Variants in RFX3 observed in about 807,000 individuals in gnomAD.
RFX3 encodes the protein transcription factor RFX3.
A neutral mutation model predicts 98.6 loss-of-function variants in RFX3; 14 were observed. The observed-to-expected ratio is 0.14, with a 90% CI of 0.09 to 0.22. The LOEUF (loss-of-function observed/expected upper bound fraction) is 0.22. RFX3 is among the 10% of genes least tolerant of loss of function. RFX3 has a pLI of 1.00. For missense variants in RFX3, 639 were observed against 926.9 expected, an observed-to-expected ratio of 0.69 and a Z score of 4.03; for synonymous variants, 383 against 328.4, an observed-to-expected ratio of 1.17 and a Z score of -1.80.
chr9:3,312,374 G>A (rs997641165), intron 4 of RFX3, among the ~76,000 whole-genome samples: 3 of 152,058 alleles, frequency 2.0e-5, no homozygotes, highest in African/African-American at 7.2e-5. Flanking sequence ...AACCTTCTTC[G>A]AAGGATCTCC....
At chr9:3,312,477 A>G (rs1256791371) in intron 4 of RFX3, among the ~76,000 whole-genome samples, 1 of 152,164 alleles carries the variant, frequency 6.6e-6, no homozygotes, top group African/African-American at 2.4e-5. Flanking sequence ...TAAAAGCTGT[A>G]TATTCAAACA....
intron 1 of RFX3, among the ~76,000 whole-genome samples, chr9:3,458,739 C>T (rs1847416256): frequency 6.6e-6 from 1 of 151,988 alleles, no homozygotes; most frequent in African/African-American, 2.4e-5. Flanking sequence ...TGTTCATTAC[C>T]CTTTTTCTAC....
intron 1 of RFX3, among the ~76,000 whole-genome samples, chr9:3,521,272 C>G (rs1360000243): frequency 1.3e-5 from 2 of 151,970 alleles, no homozygotes; most frequent in African/African-American, 2.4e-5. Flanking sequence ...AGGACTAATG[C>G]CAGACAGTGC....
At chr9:3,444,551 A>G (rs566893587) in intron 1 of RFX3, among the ~76,000 whole-genome samples, 4 of 152,306 alleles carry the variant, frequency 2.6e-5, no homozygotes, top group African/African-American at 9.6e-5. Flanking sequence ...TTATCAAATT[A>G]AAAGTTAACT....
chr9:3,358,418 A>G lies in RFX3; in HGVS notation c.118-11654T>C, dbSNP rs187769957. Among the ~76,000 whole-genome samples the G allele has an allele frequency of 1.4e-3, 210 of 152,282 alleles. 1 individual carries two copies. The highest frequency in any genetic ancestry group is 4.9e-3 in the African/African-American group (203 of 41,570). Reference sequence around the variant, plus strand: ...ATGAGATTCTATAATTAAAGTAGAAATGAAACTGGGAAAATGTCAAGAATC... The same window carrying G: ...ATGAGATTCTATAATTAAAGTAGAAGTGAAACTGGGAAAATGTCAAGAATC... On this transcript the variant is annotated intron_variant, in intron 2 of 16. Coordinates refer to ENST00000617270, the MANE Select transcript of RFX3 (RefSeq NM_001282116.2).
intron 1 of RFX3, among the ~76,000 whole-genome samples, chr9:3,504,237 T>C (rs1276915429): frequency 7.4e-6 from 1 of 134,512 alleles, no homozygotes. Context: ...ATACTATATA[T>C]TATATATATA....
chr9:3,334,847 C>T (rs1198169335), intron 3 of RFX3, among the ~76,000 whole-genome samples: 6 of 152,086 alleles, frequency 3.9e-5, no homozygotes, highest in Non-Finnish European at 8.8e-5. Context: ...GGGCCAGGCG[C>T]GGTGGTTCAT....
intron 1 of RFX3, among the ~76,000 whole-genome samples, chr9:3,430,515 AT>A (rs1170557303): frequency 2.6e-5 from 4 of 152,146 alleles, no homozygotes; most frequent in Admixed American, 6.5e-5. Flanking sequence ...ACTTGGTAAA[AT>A]TTTTTTAGAG....
intron 5 of RFX3, among the ~76,000 whole-genome samples, chr9:3,295,899 T>C (rs905323883): frequency 2.0e-5 from 3 of 152,016 alleles, no homozygotes; most frequent in Non-Finnish European, 4.4e-5. Context: ...GTAATTTTAG[T>C]CTGATAAAAG....
intron 15 of RFX3, among the ~76,000 whole-genome samples, chr9:3,238,116 G>A (rs530056719): frequency 2.6e-5 from 4 of 152,140 alleles, no homozygotes; most frequent in South Asian, 2.1e-4. Flanking sequence ...TGCTTCTACC[G>A]TGTCACATTA....
In RFX3 at chr9:3,288,148, G is replaced by A. The variant is rs1256296204; in HGVS notation, c.834C>T (p.Pro278=). The change falls in exon 7 of 17, where the codon CCC becomes CCT. Residue 278 remains proline, a synonymous_variant. Coordinates refer to ENST00000617270, the MANE Select transcript of RFX3 (RefSeq NM_001282116.2). The stretch of plus-strand genomic sequence containing the variant: ...GAGTCTACCTTTGTTTCTGTTGCAT[G>A]GGTTGTTGTCTCATAGCCATATACT... ...DMQYMAMRQQ[P]MQQKQRYKPM... is the part of the protein sequence containing the mutation. The A allele has an allele frequency of 1.2e-6, 2 of 1,612,748 alleles. No individual in the cohort carries two copies. Among genetic ancestry groups the A allele is most frequent in the Admixed American group, 1.7e-5 (1 of 59,958 alleles).
At chr9:3,262,564 G>T (rs1199569649) in intron 13 of RFX3, among the ~76,000 whole-genome samples, 1 of 152,162 alleles carries the variant, frequency 6.6e-6, no homozygotes, top group Non-Finnish European at 1.5e-5. Flanking sequence ...GTGTTGTAAG[G>T]TGGGGAAAGT....
chr9:3,493,982 C>T (rs1243149363), intron 1 of RFX3, among the ~76,000 whole-genome samples: 3 of 152,010 alleles, frequency 2.0e-5, no homozygotes, highest in East Asian at 1.9e-4. Flanking sequence ...ACCACTCAAG[C>T]CCATAACCCT....
Position 3,395,486 on chromosome 9 carries a change from G to T in RFX3, c.103C>A (p.Pro35Thr), listed in dbSNP as rs1208007432. The change falls in exon 2 of 17, where the codon CCA becomes ACA. Residue 35 changes from proline (P) to threonine (T), a missense_variant. By Grantham distance (38) the Pro-to-Thr change is conservative. This residue lies in a region of RFX3 where 210 missense variants were observed against 197.7 expected (regional missense o/e 1.06). Coordinates refer to ENST00000617270, the MANE Select transcript of RFX3 (RefSeq NM_001282116.2). ...AVPTQVVQQV[P>T]VQQQVQQVQT... Reference sequence around the variant, plus strand: ...CAGCTCCTTACCTGTTGTTGTACTGGTACTTGCTGTACCACCTGCGTAGGC... The same window carrying T: ...CAGCTCCTTACCTGTTGTTGTACTGTTACTTGCTGTACCACCTGCGTAGGC... 1 of 1,613,996 alleles carries T rather than the reference G, an allele frequency of 6.2e-7. No homozygotes were observed. The highest frequency in any genetic ancestry group is 8.5e-7 in the Non-Finnish European group (1 of 1,180,004).
intron 2 of RFX3, among the ~76,000 whole-genome samples, chr9:3,378,578 T>C (rs201189891): frequency 6.8e-6 from 1 of 146,520 alleles, no homozygotes; most frequent in African/African-American, 2.5e-5. Context: ...TTTTTTGAGA[T>C]GGAGTTTCAC....
chr9:3,305,001 C>G (rs1261339638), intron 4 of RFX3, among the ~76,000 whole-genome samples: 1 of 151,850 alleles, frequency 6.6e-6, no homozygotes, highest in Non-Finnish European at 1.5e-5. Flanking sequence ...TATAAGAACA[C>G]CTACAAAATT....
At chr9:3,502,312 T>C (rs193274402) in intron 1 of RFX3, among the ~76,000 whole-genome samples, 6 of 152,122 alleles carry the variant, frequency 3.9e-5, no homozygotes, top group African/African-American at 1.4e-4. Context: ...TTCACCTTTA[T>C]ATATCTAAAA....
intron 14 of RFX3, among the ~76,000 whole-genome samples, chr9:3,250,016 A>G (rs565921900): frequency 5.3e-5 from 8 of 151,966 alleles, no homozygotes; most frequent in African/African-American, 1.4e-4. Context: ...ATATAACTCT[A>G]TCCACGTCTT....
At chr9:3,353,666 CA>C (rs1374014773) in intron 2 of RFX3, among the ~76,000 whole-genome samples, 1 of 151,984 alleles carries the variant, frequency 6.6e-6, no homozygotes, top group Non-Finnish European at 1.5e-5. Flanking sequence ...CAAGCCTTGA[CA>C]ATATCTGAAT....
Sources: allele counts gnomAD v4.1 joint callset (sites outside exome capture counted in the v4.1 genomes callset), GRCh38; gene constraint gnomAD v4.1.1; regional missense constraint gnomAD v4.1.1; transcripts MANE v1.5; gene names NCBI Gene and HGNC (gene_info 2026-07-23, HGNC 2026-07-21).